RBFOX1: variants seen among roughly 807,000 people sequenced by gnomAD.
RBFOX1 encodes RNA binding fox-1 homolog 1.
In RBFOX1, 8 loss-of-function variants were observed where a neutral mutation model predicts 57.7. That is an observed-to-expected ratio of 0.14 (90% CI 0.08 to 0.25). The LOEUF is 0.25. Among genes scored for constraint, RBFOX1 ranks in the 10% least tolerant of loss-of-function variants. The pLI is 1.00. For missense variants in RBFOX1, 611 were observed against 548.5 expected (o/e 1.11, Z -1.14); for synonymous variants, 326 against 222.4 (o/e 1.47, Z -4.15).
chr16:7,020,144 C>T (rs1047951712), intron 3 of RBFOX1, among the ~76,000 whole-genome samples: 1 of 152,046 alleles, frequency 6.6e-6, no homozygotes, highest in Non-Finnish European at 1.5e-5. Flanking sequence ...TGCGGCGTAC[C>T]CGGGGACTCT....
chr16:5,443,152 G>A (rs527486726), intron 1 of RBFOX1, among the ~76,000 whole-genome samples: 2 of 152,268 alleles, frequency 1.3e-5, no homozygotes, highest in East Asian at 1.9e-4. Flanking sequence ...ATAAATTTCT[G>A]TTGTAAAGCA....
chr16:5,821,882 A>G (rs1481500754), intron 3 of RBFOX1, among the ~76,000 whole-genome samples: 4 of 152,176 alleles, frequency 2.6e-5, no homozygotes, highest in Non-Finnish European at 5.9e-5. Context: ...CAGCCCTTTT[A>G]TAAGGCACGG....
chr16:7,015,250 A>G (rs548929061), intron 3 of RBFOX1, among the ~76,000 whole-genome samples: 56 of 152,218 alleles, frequency 3.7e-4, no homozygotes, highest in Non-Finnish European at 3.2e-4. Context: ...CGCTGAGGCT[A>G]TGGGTGAGCA....
chr16:5,588,126 T>C (rs930903487), intron 2 of RBFOX1, among the ~76,000 whole-genome samples: 6 of 152,102 alleles, frequency 3.9e-5, no homozygotes, highest in Non-Finnish European at 2.9e-5. Flanking sequence ...ATAGATTGTG[T>C]GAATTCATTT....
rs985569349 is a variant in RBFOX1, at chr16:6,980,427, A to G, written c.-15-71630A>G. ...TTTACTTGCCATTTTCAAACACAGA[A>G]AGATATGTTTACAAAAGCAAAAAAC... is the stretch of plus-strand genomic sequence containing the variant. On this transcript the variant is annotated intron_variant, in intron 3 of 15. Coordinates refer to ENST00000550418, the MANE Select transcript of RBFOX1 (RefSeq NM_018723.4). Among the ~76,000 whole-genome samples the G allele has an allele frequency of 1.1e-4, 16 of 152,138 alleles. 1 individual carries two copies. Among genetic ancestry groups the G allele is most frequent in the African/African-American group, 3.9e-4 (16 of 41,430 alleles).
intron 1 of RBFOX1, among the ~76,000 whole-genome samples, chr16:6,023,804 A>G (rs1465266715): frequency 6.6e-6 from 1 of 152,186 alleles, no homozygotes; most frequent in African/African-American, 2.4e-5. Context: ...GGAGACCTCA[A>G]ACACCGAGGC....
chr16:6,465,206 T>C (rs1407289255), intron 2 of RBFOX1, among the ~76,000 whole-genome samples: 1 of 152,202 alleles, frequency 6.6e-6, no homozygotes, highest in African/African-American at 2.4e-5. Flanking sequence ...TATATAGATG[T>C]GTAGAGAGAG....
intron 2 of RBFOX1, among the ~76,000 whole-genome samples, chr16:6,605,747 G>GACA (rs2097916817): frequency 6.6e-6 from 1 of 152,174 alleles, no homozygotes; most frequent in South Asian, 2.1e-4. Context: ...GTGTGTTCGT[G>GACA]GAGGTTGCAT....
In RBFOX1 at chr16:6,105,691, T is replaced by A. The variant is rs988639425; in HGVS notation, c.-127+85699T>A. Among the ~76,000 whole-genome samples, 31 of 151,288 alleles carry A rather than the reference T, an allele frequency of 2.0e-4. 1 individual carries two copies. Among genetic ancestry groups the A allele is most frequent in the Admixed American group, 1.8e-3 (27 of 15,196 alleles). On this transcript the variant is annotated intron_variant, in intron 1 of 15. Coordinates refer to ENST00000550418, the MANE Select transcript of RBFOX1 (RefSeq NM_018723.4). ...ACTTGGAAAGTAGAAAAAAAATATA[T>A]ATATATATATAAATTAATTCCCTTG... is the stretch of plus-strand genomic sequence containing the variant.
intron 3 of RBFOX1, among the ~76,000 whole-genome samples, chr16:6,846,987 C>A (rs992309569): frequency 6.6e-6 from 1 of 151,814 alleles, no homozygotes; most frequent in Non-Finnish European, 1.5e-5. Flanking sequence ...TTCCTTCTTT[C>A]TGTGTTCTTG....
chr16:7,209,960 G>T (rs1483773545), intron 4 of RBFOX1, among the ~76,000 whole-genome samples: 1 of 152,144 alleles, frequency 6.6e-6, no homozygotes, highest in Non-Finnish European at 1.5e-5. Flanking sequence ...AAGCTTTTAA[G>T]CCCCATTGAT....
At chr16:6,854,911 T>A (rs557340442) in intron 3 of RBFOX1, among the ~76,000 whole-genome samples, 1 of 151,870 alleles carries the variant, frequency 6.6e-6, no homozygotes, top group African/African-American at 2.4e-5. Context: ...ATAATTTTTT[T>A]ATTCTGGTTT....
intron 2 of RBFOX1, among the ~76,000 whole-genome samples, chr16:6,342,952 C>T (rs774257287): frequency 7.2e-5 from 11 of 152,054 alleles, no homozygotes; most frequent in Non-Finnish European, 1.6e-4. Context: ...ACTTCTGTCG[C>T]TTTATATTTT....
chr16:7,260,662 G>T (rs2094883398), intron 4 of RBFOX1, among the ~76,000 whole-genome samples: 1 of 151,900 alleles, frequency 6.6e-6, no homozygotes, highest in Non-Finnish European at 1.5e-5. Flanking sequence ...TTAGTTTATT[G>T]ATTTTTTTTT....
intron 4 of RBFOX1, among the ~76,000 whole-genome samples, chr16:5,916,626 G>A (rs1332957931): frequency 6.6e-6 from 1 of 152,106 alleles, no homozygotes; most frequent in Admixed American, 6.5e-5. Context: ...GGAAGCAGGA[G>A]GAGGAGGACC....
chr16:6,509,464 T>C (rs191833481), intron 2 of RBFOX1, among the ~76,000 whole-genome samples: 44 of 152,122 alleles, frequency 2.9e-4, no homozygotes, highest in Non-Finnish European at 5.9e-4. Context: ...TTCTTGCTTA[T>C]TTGTGGGAGC....
At chr16:6,699,929 C>T (rs949228989) in intron 3 of RBFOX1, among the ~76,000 whole-genome samples, 4 of 152,176 alleles carry the variant, frequency 2.6e-5, no homozygotes, top group African/African-American at 9.7e-5. Context: ...TGGACAGGTA[C>T]ACATTGTTTT....
intron 3 of RBFOX1, among the ~76,000 whole-genome samples, chr16:6,913,622 C>T (rs376250762): frequency 1.2e-3 from 183 of 152,282 alleles, no homozygotes; most frequent in Middle Eastern, 3.4e-3. Context: ...AACTCAAGCC[C>T]TGAGGCCACC....
intron 14 of RBFOX1, among the ~76,000 whole-genome samples, chr16:7,698,314 C>T (rs576966358): frequency 1.9e-4 from 29 of 151,980 alleles, no homozygotes; most frequent in African/African-American, 6.8e-4. Flanking sequence ...AATCTGGGGA[C>T]ATGTTTTCAT....
Sources: allele counts gnomAD v4.1 joint callset (sites outside exome capture counted in the v4.1 genomes callset), GRCh38; gene constraint gnomAD v4.1.1; transcripts MANE v1.5; gene names NCBI Gene and HGNC (gene_info 2026-07-23, HGNC 2026-07-21).